Variants in ZNF469 observed in about 807,000 individuals in gnomAD.
The protein encoded by ZNF469 is zinc finger protein 469.
Under a neutral mutation model 1.0 loss-of-function variants are expected in ZNF469, and 1 was observed. The observed-to-expected ratio is 1.00, with a 90% CI of 0.35 to 4.73. ZNF469 has a LOEUF of 4.73. Among genes scored for constraint, ZNF469 ranks in the 30% most tolerant of loss-of-function variants. The pLI, the probability that ZNF469 is intolerant of heterozygous loss-of-function variation, is 0.16. For synonymous variants in ZNF469, 2,703 were observed against 2,363.4 expected, an observed-to-expected ratio of 1.14 and a Z score of -4.17; for missense variants, 6,100 against 5,356.3, an observed-to-expected ratio of 1.14 and a Z score of -4.33.
chr16:88,208,197 G>A, the ZNF469 span, among the ~76,000 whole-genome samples: 1 of 151,738 alleles, frequency 6.6e-6, no homozygotes, highest in African/African-American at 2.4e-5. Flanking sequence ...GCCCCTTCAA[G>A]CCAATTCCTG....
the ZNF469 span, among the ~76,000 whole-genome samples, chr16:88,277,535 T>TGC: frequency 6.7e-6 from 1 of 150,324 alleles, no homozygotes; most frequent in Non-Finnish European, 1.5e-5. Flanking sequence ...CGGTTAGTGC[T>TGC]GCGCCACGCC....
At chr16:88,270,938 C>T in the ZNF469 span, among the ~76,000 whole-genome samples, 1 of 152,200 alleles carries the variant, frequency 6.6e-6, no homozygotes. Context: ...AGGTGTGGGT[C>T]CCCCCTCTCG....
chr16:88,401,488 TG>T (rs1904853473), intron 1 of ZNF469, among the ~76,000 whole-genome samples: 1 of 152,088 alleles, frequency 6.6e-6, no homozygotes, highest in African/African-American at 2.4e-5. Flanking sequence ...GATGGATGGA[TG>T]GATGCTGGGG....
At chr16:88,115,227 G>T in the ZNF469 span, among the ~76,000 whole-genome samples, 4 of 152,150 alleles carry the variant, frequency 2.6e-5, no homozygotes, top group East Asian at 7.7e-4. Flanking sequence ...ACCAAAAACA[G>T]CCACTGTGTT....
chr16:88,267,055 A>G, the ZNF469 span, among the ~76,000 whole-genome samples: 35 of 152,214 alleles, frequency 2.3e-4, 1 homozygote, highest in South Asian at 5.0e-3. Flanking sequence ...CGGCAAGAGG[A>G]CCTGGGTGTC....
At chr16:88,373,971 G>A in the ZNF469 span, among the ~76,000 whole-genome samples, 1 of 151,968 alleles carries the variant, frequency 6.6e-6, no homozygotes, top group Non-Finnish European at 1.5e-5. Context: ...CCACTGCAGA[G>A]CCTGGGCAAC....
intron 1 of ZNF469, among the ~76,000 whole-genome samples, chr16:88,397,635 G>A (rs879507905): frequency 0.024 from 2,117 of 88,424 alleles, 33 homozygotes; most frequent in African/African-American, 0.075. Flanking sequence ...ATGGATGGAT[G>A]GATGGATGGA....
chr16:88,148,961 G>A, the ZNF469 span, among the ~76,000 whole-genome samples: 1 of 152,162 alleles, frequency 6.6e-6, no homozygotes, highest in African/African-American at 2.4e-5. Flanking sequence ...GGGTGGCAGG[G>A]ACCCTCACTG....
the ZNF469 span, among the ~76,000 whole-genome samples, chr16:88,190,879 C>T: frequency 1.3e-5 from 2 of 152,224 alleles, no homozygotes; most frequent in Non-Finnish European, 1.5e-5. Flanking sequence ...TGTTCATCAT[C>T]GCTCTTCCCA....
Position 88,437,043 on chromosome 16 carries a change from C to A in ZNF469, c.9573C>A (p.Asn3191Lys). Reference protein sequence around the residue: ...LKEVADVWMYNEHLREHAVRF... With the variant: ...LKEVADVWMYKEHLREHAVRF... ...AGGTGGCCGACGTCTGGATGTACAACGAGCACCTGCGTGAGCACGCGGTCC... is the reference window on the plus strand; with the variant it reads ...AGGTGGCCGACGTCTGGATGTACAAAGAGCACCTGCGTGAGCACGCGGTCC... The change falls in exon 3 of 3, where the codon AAC becomes AAA. Residue 3191 changes from asparagine (N) to lysine (K), a missense_variant. Transcript: ENST00000565624. The A allele has an allele frequency of 6.5e-7, 1 of 1,534,128 alleles. No individual in the cohort carries two copies.
chr16:88,283,850 G>C, the ZNF469 span, among the ~76,000 whole-genome samples: 1 of 146,504 alleles, frequency 6.8e-6, no homozygotes, highest in Non-Finnish European at 1.5e-5. Context: ...CCCAAGGTCT[G>C]CAGAGGCTGG....
chr16:88,360,795 A>C, the ZNF469 span, among the ~76,000 whole-genome samples: 2 of 149,236 alleles, frequency 1.3e-5, no homozygotes, highest in Admixed American at 1.3e-4. Context: ...CCACCCCCAG[A>C]CAGTGCCCGC....
the ZNF469 span, among the ~76,000 whole-genome samples, chr16:88,351,496 C>T: frequency 5.3e-5 from 8 of 152,182 alleles, no homozygotes; most frequent in African/African-American, 1.9e-4. Context: ...AAAATCAAAG[C>T]ACAGGTCCCA....
intron 1 of ZNF469, among the ~76,000 whole-genome samples, chr16:88,407,549 T>G (rs1218810544): frequency 1.3e-5 from 2 of 152,250 alleles, no homozygotes; most frequent in Non-Finnish European, 2.9e-5. Context: ...GAGTTCATCT[T>G]CATTTCAACC....
the ZNF469 span, among the ~76,000 whole-genome samples, chr16:88,329,695 T>C: frequency 2.0e-5 from 3 of 152,214 alleles, no homozygotes; most frequent in Non-Finnish European, 4.4e-5. Context: ...AAAACATTAG[T>C]CTTTCAGCTG....
chr16:88,273,802 A>ATTTT, the ZNF469 span, among the ~76,000 whole-genome samples: 32 of 117,856 alleles, frequency 2.7e-4, no homozygotes, highest in African/African-American at 4.7e-4. Context: ...ACACTGTGGA[A>ATTTT]TATTTTTTTT....
At chr16:88,216,451 G>A in the ZNF469 span, among the ~76,000 whole-genome samples, 227 of 148,944 alleles carry the variant, frequency 1.5e-3, no homozygotes, top group African/African-American at 5.6e-3. Flanking sequence ...CCGAGATCAC[G>A]CCACTGCACT....
At chr16:88,300,026 A>G in the ZNF469 span, among the ~76,000 whole-genome samples, 1 of 152,036 alleles carries the variant, frequency 6.6e-6, no homozygotes, top group African/African-American at 2.4e-5. Context: ...GGCTAGGGGG[A>G]CGCAATGGCA....
Position 88,431,451 on chromosome 16 carries a change from T to C in ZNF469, c.3981T>C (p.Phe1327=), listed in dbSNP as rs1296986629. ...CCCCTGCCCGCCAGCCTGGAGAATT[T>C]CTGGCACCCGTGGCTAACCCCTCAA... ...KDPPARQPGE[F]LAPVANPSST... The change falls in exon 3 of 3, where the codon TTT becomes TTC. Residue 1327 remains phenylalanine (F), a synonymous_variant. Transcript: ENST00000565624. 1 of 1,550,236 alleles carries C rather than the reference T, an allele frequency of 6.5e-7. No homozygotes were observed. The highest frequency in any genetic ancestry group is 8.7e-7 in the Non-Finnish European group (1 of 1,146,980).
Sources: gnomAD v4.1 joint callset for allele counts (sites outside exome capture counted in the v4.1 genomes callset) on GRCh38, gnomAD v4.1.1 for gene constraint, MANE v1.5 for transcripts, NCBI Gene and HGNC (gene_info 2026-07-23, HGNC 2026-07-21) for gene names.